Variants in MEIS2 observed in about 807,000 individuals in gnomAD.
The protein encoded by MEIS2 is homeobox protein Meis2.
MEIS2 carries 9 observed loss-of-function variants against 58.6 expected under a neutral mutation model. The ratio of observed to expected loss-of-function variants is 0.15; its 90% confidence interval spans 0.09 to 0.27. MEIS2 has a LOEUF of 0.27. Ranked by LOEUF, MEIS2 falls within the 10% of genes least tolerant of loss-of-function variation. The pLI, the probability that MEIS2 is intolerant of heterozygous loss-of-function variation, is 1.00. For missense variants in MEIS2, 427 were observed against 635.0 expected (o/e 0.67, Z 3.52); for synonymous variants, 221 against 228.4 (o/e 0.97, Z 0.29).
In MEIS2 at chr15:37,087,407, T is replaced by C. The variant is rs569705999; in HGVS notation, c.640-3522A>G. Among the ~76,000 whole-genome samples, 3 of 152,244 alleles carry C rather than the reference T, an allele frequency of 2.0e-5. No individual in the cohort carries two copies. In the South Asian group the frequency reaches 6.2e-4, roughly 32 times the overall value. On this transcript the variant is annotated intron_variant, in intron 6 of 11. Transcript: ENST00000561208. ...GAAGCTAGGTCTCTAGGGGCAGTAT[T>C]TTCTATTTGCTGGGCTACAGACTCA...
intron 7 of MEIS2, among the ~76,000 whole-genome samples, chr15:37,054,748 G>A (rs1003396367): frequency 6.6e-6 from 1 of 152,178 alleles, no homozygotes; most frequent in Non-Finnish European, 1.5e-5. Flanking sequence ...GAGGGATGTA[G>A]AAAGAAGCCT....
intron 6 of MEIS2, among the ~76,000 whole-genome samples, chr15:37,085,954 A>G (rs1892830420): frequency 6.6e-6 from 1 of 152,194 alleles, no homozygotes; most frequent in East Asian, 1.9e-4. Context: ...AAAAAAAAAG[A>G]AAGAAAAGAA....
Position 37,096,367 on chromosome 15 carries a change from G to A in MEIS2, c.309C>T (p.Pro103=), listed in dbSNP as rs1894251585. 6.2e-7 allele frequency: 1 copy of A among 1,613,854 alleles called. No homozygotes were observed. The highest frequency in any genetic ancestry group is 1.7e-5 in the Admixed American group (1 of 59,950). The change falls in exon 3 of 12, where the codon CCC becomes CCT. Residue 103 remains proline (P), a synonymous_variant. Coordinates refer to ENST00000561208, the MANE Select transcript of MEIS2 (RefSeq NM_170675.5). ...CTCCGCCAGCCACTCCAGGTTCCCG[G>A]GGAGTGCAGGTCGCCAGCTCGCACT... ...FEKCELATCT[P]REPGVAGGDV...
intron 9 of MEIS2, among the ~76,000 whole-genome samples, chr15:36,928,051 A>G (rs1051003806): frequency 3.3e-5 from 5 of 152,202 alleles, no homozygotes; most frequent in Non-Finnish European, 7.4e-5. Flanking sequence ...GAAGTGCTCA[A>G]ATTACCAGAG....
intron 9 of MEIS2, among the ~76,000 whole-genome samples, chr15:36,940,428 C>T (rs2058334230): frequency 6.6e-6 from 1 of 152,138 alleles, no homozygotes; most frequent in African/African-American, 2.4e-5. Context: ...CCTCCCTGCA[C>T]ACCATTAAAA....
intron 8 of MEIS2, among the ~76,000 whole-genome samples, chr15:36,995,004 A>G (rs896509267): frequency 6.6e-6 from 1 of 152,182 alleles, no homozygotes; most frequent in Admixed American, 6.5e-5. Flanking sequence ...AACAATTTCA[A>G]TGCATTATCT....
intron 9 of MEIS2, among the ~76,000 whole-genome samples, chr15:36,915,945 G>A (rs1250529254): frequency 6.6e-6 from 1 of 152,122 alleles, no homozygotes; most frequent in Non-Finnish European, 1.5e-5. Context: ...AAGCTCTATT[G>A]GGTTATCAGT....
intron 7 of MEIS2, among the ~76,000 whole-genome samples, chr15:37,039,463 CT>C (rs763051557): frequency 6.6e-6 from 1 of 152,076 alleles, no homozygotes; most frequent in Non-Finnish European, 1.5e-5. Context: ...AGGTTAATGG[CT>C]TAATTGAAGG....
chr15:36,938,666 G>A (rs545469810), intron 9 of MEIS2, among the ~76,000 whole-genome samples: 2 of 152,270 alleles, frequency 1.3e-5, no homozygotes, highest in African/African-American at 4.8e-5. Flanking sequence ...GGTTAAAATC[G>A]TTTTTCCTCT....
At chr15:37,021,978 T>A (rs2061540497) in intron 8 of MEIS2, among the ~76,000 whole-genome samples, 1 of 152,150 alleles carries the variant, frequency 6.6e-6, no homozygotes, top group Admixed American at 6.6e-5. Flanking sequence ...GGTTACACAG[T>A]AGTCCATAAC....
At chr15:36,994,010 A>T (rs1344314641) in intron 8 of MEIS2, among the ~76,000 whole-genome samples, 3 of 152,128 alleles carry the variant, frequency 2.0e-5, no homozygotes, top group Non-Finnish European at 4.4e-5. Context: ...TTTTAGATTG[A>T]ACGCTTTGTT....
At chr15:37,037,722 G>T (rs984948072) in intron 7 of MEIS2, among the ~76,000 whole-genome samples, 2 of 152,306 alleles carry the variant, frequency 1.3e-5, no homozygotes, top group Admixed American at 1.3e-4. Flanking sequence ...TGCCTGGAGG[G>T]CATCTAAATT....
intron 9 of MEIS2, among the ~76,000 whole-genome samples, chr15:36,937,636 T>G (rs767212261): frequency 3.9e-5 from 6 of 152,224 alleles, no homozygotes; most frequent in African/African-American, 1.2e-4. Flanking sequence ...CAAATTACTT[T>G]AGAGTGGAAC....
chr15:37,007,071 G>A (rs1022579684), intron 8 of MEIS2, among the ~76,000 whole-genome samples: 1 of 152,222 alleles, frequency 6.6e-6, no homozygotes, highest in African/African-American at 2.4e-5. Context: ...AATAATAACA[G>A]TGTATAAGGC....
At chr15:37,071,815 G>A (rs2141875664) in intron 7 of MEIS2, among the ~76,000 whole-genome samples, 1 of 152,064 alleles carries the variant, frequency 6.6e-6, no homozygotes, top group East Asian at 1.9e-4. Context: ...GCCTGTGAGT[G>A]CTCTATGCCC....
chr15:36,944,853 C>T (rs930726491), intron 9 of MEIS2, among the ~76,000 whole-genome samples: 1 of 152,042 alleles, frequency 6.6e-6, no homozygotes, highest in Admixed American at 6.6e-5. Context: ...GACCCCACCT[C>T]CCTGGTTTAT....
intron 8 of MEIS2, among the ~76,000 whole-genome samples, chr15:37,033,432 T>C (rs2062011541): frequency 6.6e-6 from 1 of 152,104 alleles, no homozygotes; most frequent in South Asian, 2.1e-4. Flanking sequence ...AATAATGAGA[T>C]AATTCAATTA....
At chr15:36,923,464 C>T (rs941669933) in intron 9 of MEIS2, among the ~76,000 whole-genome samples, 2 of 152,132 alleles carry the variant, frequency 1.3e-5, no homozygotes, top group African/African-American at 4.8e-5. Flanking sequence ...ATACATCCTT[C>T]AGGAAAAGTC....
chr15:37,044,800 T>G (rs190680613), intron 7 of MEIS2, among the ~76,000 whole-genome samples: 1 of 152,238 alleles, frequency 6.6e-6, no homozygotes, highest in Non-Finnish European at 1.5e-5. Context: ...TTTACTAGTT[T>G]GTCTGTGAGC....
Sources: allele counts gnomAD v4.1 joint callset (sites outside exome capture counted in the v4.1 genomes callset), GRCh38; gene constraint gnomAD v4.1.1; transcripts MANE v1.5; gene names NCBI Gene and HGNC (gene_info 2026-07-23, HGNC 2026-07-21).